CSMD1: variants seen among roughly 807,000 people sequenced by gnomAD.
CSMD1 encodes the protein CUB and Sushi multiple domains 1.
A neutral mutation model predicts 417.5 loss-of-function variants in CSMD1; 213 were observed. That is an observed-to-expected ratio of 0.51 (90% CI 0.46 to 0.57). The LOEUF (loss-of-function observed/expected upper bound fraction) is 0.57, where lower values mean the gene tolerates loss of function less well. CSMD1 is among the 20% of genes least tolerant of loss of function. CSMD1 has a pLI of 0.00. For missense variants in CSMD1, 6,923 were observed against 4,529.7 expected (o/e 1.53, Z -15.17); for synonymous variants, 2,862 against 1,736.8 (o/e 1.65, Z -16.11).
chr8:3,577,952 C>G (rs927832708), intron 9 of CSMD1, among the ~76,000 whole-genome samples: 2 of 152,124 alleles, frequency 1.3e-5, no homozygotes. Flanking sequence ...GTGGCTTGAG[C>G]TGTTGTGATT....
At chr8:3,034,285 T>C (rs903062681) in intron 50 of CSMD1, among the ~76,000 whole-genome samples, 1 of 152,214 alleles carries the variant, frequency 6.6e-6, no homozygotes, top group African/African-American at 2.4e-5. Flanking sequence ...CTGTTTTCCA[T>C]AGTTTCCAGG....
intron 1 of CSMD1, among the ~76,000 whole-genome samples, chr8:4,719,085 A>C (rs1209003935): frequency 2.6e-5 from 4 of 152,152 alleles, no homozygotes; most frequent in Non-Finnish European, 5.9e-5. Flanking sequence ...TTTTGTTTTA[A>C]TGTGGTTGGT....
At chr8:3,664,393 C>T in intron 7 of CSMD1, among the ~76,000 whole-genome samples, 1 of 152,184 alleles carries the variant, frequency 6.6e-6, no homozygotes, top group Admixed American at 6.5e-5. Context: ...TCCTGGTTCA[C>T]TTCAATAACC....
At chr8:3,947,949 T>C (rs1811348709) in intron 5 of CSMD1, among the ~76,000 whole-genome samples, 1 of 152,216 alleles carries the variant, frequency 6.6e-6, no homozygotes, top group East Asian at 1.9e-4. Context: ...CTCATGCCTG[T>C]AATCCCAGCA....
chr8:4,077,305 A>ATATATATGTATATATATATATATATG (rs1799879382), intron 3 of CSMD1, among the ~76,000 whole-genome samples: 1 of 130,358 alleles, frequency 7.7e-6, no homozygotes, highest in African/African-American at 2.8e-5. Context: ...GTGTATATAT[A>ATATATATGTATATATATATATATATG]TATATATATA....
chr8:3,923,474 G>A (rs1584972142), intron 5 of CSMD1, among the ~76,000 whole-genome samples: 1 of 152,032 alleles, frequency 6.6e-6, no homozygotes, highest in South Asian at 2.1e-4. Flanking sequence ...CCATTTATGT[G>A]GGACATGTTT....
intron 5 of CSMD1, among the ~76,000 whole-genome samples, chr8:3,766,080 G>C (rs565519368): frequency 6.6e-6 from 1 of 152,286 alleles, no homozygotes; most frequent in East Asian, 1.9e-4. Context: ...TCAAGCCTGG[G>C]AAATGGCTCA....
chr8:4,601,536 G>C (rs1461768159), intron 2 of CSMD1, among the ~76,000 whole-genome samples: 1 of 152,154 alleles, frequency 6.6e-6, no homozygotes, highest in Non-Finnish European at 1.5e-5. Context: ...AACTTCTATG[G>C]TCATACAGAT....
chr8:4,642,731 T>C (rs1428085910), intron 1 of CSMD1, among the ~76,000 whole-genome samples: 1 of 152,232 alleles, frequency 6.6e-6, no homozygotes, highest in Non-Finnish European at 1.5e-5. Flanking sequence ...AGCTTAGCCT[T>C]TGCTTTGCTA....
At chr8:3,632,236 C>T (rs907259116) in intron 7 of CSMD1, among the ~76,000 whole-genome samples, 20 of 152,186 alleles carry the variant, frequency 1.3e-4, no homozygotes, top group Non-Finnish European at 2.6e-4. Context: ...ATTTCTAGGG[C>T]TGGGCTTTAA....
chr8:3,397,382 C>T (rs1176012076), intron 16 of CSMD1, among the ~76,000 whole-genome samples: 1 of 152,150 alleles, frequency 6.6e-6, no homozygotes, highest in Non-Finnish European at 1.5e-5. Context: ...ATGTTGAAAC[C>T]AAAGGGCTGT....
chr8:4,520,552 C>T (rs1045659278), intron 2 of CSMD1, among the ~76,000 whole-genome samples: 2 of 152,052 alleles, frequency 1.3e-5, no homozygotes, highest in East Asian at 3.9e-4. Flanking sequence ...AAAACCTCCC[C>T]ATTTTTAAAC....
chr8:4,143,713 G>C (rs1803938125), intron 3 of CSMD1, among the ~76,000 whole-genome samples: 3 of 151,000 alleles, frequency 2.0e-5, no homozygotes, highest in Admixed American at 1.3e-4. Context: ...AGTAACAAAG[G>C]AAAGAAACAT....
chr8:4,383,268 G>T (rs1803223747), intron 3 of CSMD1, among the ~76,000 whole-genome samples: 1 of 152,154 alleles, frequency 6.6e-6, no homozygotes, highest in Non-Finnish European at 1.5e-5. Flanking sequence ...AGTACAGTTT[G>T]TATTCCTTTC....
At chr8:4,671,919 G>A (rs1160354456) in intron 1 of CSMD1, among the ~76,000 whole-genome samples, 1 of 152,182 alleles carries the variant, frequency 6.6e-6, no homozygotes, top group Non-Finnish European at 1.5e-5. Flanking sequence ...GCATGCCAGT[G>A]GAGTGGGTCA....
At chr8:3,285,045 C>T (rs952667421) in intron 25 of CSMD1, among the ~76,000 whole-genome samples, 4 of 152,054 alleles carry the variant, frequency 2.6e-5, no homozygotes, top group African/African-American at 9.7e-5. Context: ...CTATGTAGTC[C>T]TATTTAGGGC....
At chr8:3,905,602 C>A (rs1342512936) in intron 5 of CSMD1, among the ~76,000 whole-genome samples, 3 of 152,222 alleles carry the variant, frequency 2.0e-5, no homozygotes, top group East Asian at 1.9e-4. Context: ...CCCAGAGTTT[C>A]CACTTCAGTG....
At chr8:4,312,660 T>C (rs895157513) in intron 3 of CSMD1, among the ~76,000 whole-genome samples, 1 of 151,384 alleles carries the variant, frequency 6.6e-6, no homozygotes, top group African/African-American at 2.4e-5. Context: ...GTGGATCACC[T>C]GAGGTCAGGA....
chr8:3,606,625 T>C lies in CSMD1; in HGVS notation c.1097+10085A>G, dbSNP rs192260393. ...TCCTGTAGACCTTAGAAACACTGTA[T>C]CCTTGGGCCACTATAAATTTATTAA... On this transcript the variant is annotated intron_variant, in intron 8 of 69. Coordinates refer to ENST00000635120, the MANE Select transcript of CSMD1 (RefSeq NM_033225.6). Among the ~76,000 whole-genome samples the C allele has an allele frequency of 1.6e-4, 24 of 152,174 alleles. 1 individual carries two copies. The East Asian group carries it at 4.3e-3, about 27-fold the overall frequency.
Sources: allele counts gnomAD v4.1 joint callset (sites outside exome capture counted in the v4.1 genomes callset), GRCh38; gene constraint gnomAD v4.1.1; transcripts MANE v1.5; gene names NCBI Gene and HGNC (gene_info 2026-07-23, HGNC 2026-07-21).